Variants in PARVG observed in about 807,000 individuals in gnomAD.
PARVG encodes the protein gamma-parvin.
In PARVG, 36 loss-of-function variants were observed where a neutral mutation model predicts 44.4. The ratio of observed to expected loss-of-function variants is 0.81; its 90% CI spans 0.62 to 1.07. The LOEUF is 1.07. Ranked by LOEUF, PARVG falls within the 50% of genes least tolerant of loss-of-function variation. The probability of loss-of-function intolerance (pLI) is 0.00; values close to 1 mark genes in which losing one functional copy is unlikely to be tolerated. For synonymous variants in PARVG, 170 were observed against 174.1 expected (o/e 0.98, Z 0.19); for missense variants, 407 against 407.4 (o/e 1.00, Z 0.01).
At chr22:44,173,430 T>C (rs943144353) in intron 1 of PARVG, among the ~76,000 whole-genome samples, 1 of 152,092 alleles carries the variant, frequency 6.6e-6, no homozygotes, top group African/African-American at 2.4e-5. Context: ...CCATAAACTC[T>C]CCTTGGCACA....
intron 1 of PARVG, among the ~76,000 whole-genome samples, chr22:44,174,313 A>C (rs2054298254): frequency 6.6e-6 from 1 of 152,146 alleles, no homozygotes; most frequent in South Asian, 2.1e-4. Flanking sequence ...GGTGTGGTGG[A>C]AGCCAGTCTT....
chr22:44,187,943 G>T, intron 5 of PARVG, 65 bp downstream of exon 5: 1 of 1,526,426 alleles, frequency 6.6e-7, no homozygotes, highest in South Asian at 1.1e-5. Context: ...CCCCTCCAGG[G>T]CCCACAGGTA....
chr22:44,175,317 C>T (rs1487738131), intron 1 of PARVG, among the ~76,000 whole-genome samples: 2 of 152,206 alleles, frequency 1.3e-5, no homozygotes, highest in Non-Finnish European at 2.9e-5. Flanking sequence ...TGCACGGCCA[C>T]TTGCCCTCAG....
At chr22:44,176,370 G>C (rs2054319056), upstream of PARVG, among the ~76,000 whole-genome samples, 1 of 152,168 alleles carries the variant, frequency 6.6e-6, no homozygotes, top group Admixed American at 6.5e-5. Flanking sequence ...AATAATGACG[G>C]AGAAAAATTC....
At chr22:44,193,409 G>T (rs2054576006) in intron 8 of PARVG, among the ~76,000 whole-genome samples, 1 of 152,182 alleles carries the variant, frequency 6.6e-6, no homozygotes, top group Non-Finnish European at 1.5e-5. Flanking sequence ...GGAGAACACG[G>T]GGGGTGCTGG....
intron 5 of PARVG, chr22:44,188,640 ATT>A (rs770841065): frequency 4.0e-4 from 69 of 172,176 alleles, no homozygotes; most frequent in Non-Finnish European, 7.8e-4. Context: ...TACTGTCCCC[ATT>A]TCACAGATGA....
rs554339352 is a variant in PARVG at position 44,181,523 on chromosome 22, A to G, written c.-188-219A>G. 80 of 608,724 alleles carry G rather than the reference A, an allele frequency of 1.3e-4. 1 individual carries two copies. In the African/African-American group the frequency reaches 1.5e-3, roughly 11 times the overall value. 37.7% of individuals were successfully genotyped at this position (608,724 alleles called of 1,614,324 possible). On this transcript the variant is annotated intron_variant, in intron 1 of 13. Coordinates refer to ENST00000444313, the MANE Select transcript of PARVG (RefSeq NM_022141.7). ...GGGGGTCGACCCCAGGCTCTGGCCTATGTAGCTGCCATTTTGGAGGTGAAC... is the reference window on the plus strand; with the variant it reads ...GGGGGTCGACCCCAGGCTCTGGCCTGTGTAGCTGCCATTTTGGAGGTGAAC...
At chr22:44,191,755 TG>T (rs1395796505) in intron 7 of PARVG, among the ~76,000 whole-genome samples, 3 of 152,182 alleles carry the variant, frequency 2.0e-5, no homozygotes, top group Non-Finnish European at 4.4e-5. Context: ...TTGTGTGGCT[TG>T]GTCTATACTG....
chr22:44,176,802 T>C (rs541345800), upstream of PARVG, among the ~76,000 whole-genome samples: 32 of 152,294 alleles, frequency 2.1e-4, no homozygotes, highest in African/African-American at 7.0e-4. Flanking sequence ...AAAGGTTTAG[T>C]GGACTCACCG....
intron 4 of PARVG, 86 bp downstream of exon 4, chr22:44,185,958 G>C: frequency 7.4e-7 from 1 of 1,358,686 alleles, no homozygotes; most frequent in Non-Finnish European, 1.0e-6. Context: ...ACAGCAGGCT[G>C]TCCCCACTCC....
rs895418931 is a variant in PARVG at position 44,206,668 on chromosome 22, G to T, written c.*242G>T. On this transcript the variant is annotated 3_prime_UTR_variant, in exon 14 of 14. Transcript: ENST00000444313. ...TTTCTGGGAGGGATTCTGGGAACTT[G>T]ACAGGGTCCTGAGGAGGGCCCTTAA... 3.8e-6 allele frequency: 2 copies of T among 524,274 alleles called. No homozygotes were observed. The highest frequency in any genetic ancestry group is 3.4e-6 in the Non-Finnish European group (1 of 292,048). The allele number at this position is 524,274 out of a possible 1,614,324, so 32.5% of individuals were successfully genotyped here.
chr22:44,173,462 C>T (rs1024698987), intron 1 of PARVG, among the ~76,000 whole-genome samples: 9 of 152,004 alleles, frequency 5.9e-5, no homozygotes, highest in African/African-American at 2.2e-4. Flanking sequence ...GTTTCAGGTG[C>T]GTCGAATTTT....
chr22:44,185,824 C>T lies in PARVG; in HGVS notation c.96C>T (p.Tyr32=), dbSNP rs747762481. ...EELSKGGKKK[Y]LPPTSRKDPK... Reference sequence around the variant, plus strand: ...TGCTTCCAGGAGGAAAGAAGAAATACCTGCCACCCACTTCCCGGAAGGACC... The same window carrying T: ...TGCTTCCAGGAGGAAAGAAGAAATATCTGCCACCCACTTCCCGGAAGGACC... The change falls in exon 4 of 14, where the codon TAC becomes TAT. Residue 32 remains tyrosine, a synonymous_variant. Transcript: ENST00000444313. The T allele has an allele frequency of 9.9e-6, 16 of 1,613,524 alleles. No individual in the cohort carries two copies. The highest frequency in any genetic ancestry group is 1.2e-5 in the Non-Finnish European group (14 of 1,179,736).
Position 44,181,013 on chromosome 22 carries a change from C to T in PARVG, c.-361C>T, listed in dbSNP as rs921871978. 14 of 980,400 alleles carry T rather than the reference C, an allele frequency of 1.4e-5. No individual in the cohort carries two copies. The highest frequency in any genetic ancestry group is 6.2e-5 in the Admixed American group (1 of 16,250). The allele number at this position is 980,400 out of a possible 1,614,324, so 60.7% of individuals were successfully genotyped here. On this transcript the variant is annotated 5_prime_UTR_variant, in exon 1 of 14. The change creates a new upstream start codon in the 5' untranslated region. Coordinates refer to ENST00000444313, the MANE Select transcript of PARVG (RefSeq NM_022141.7). ...TCGAACCCTGCTATGCCTTTGCATA[C>T]GCTGTTTTCTCCACCTGCCACGTTC... is the stretch of plus-strand genomic sequence containing the variant.
At position 44,182,186 on chromosome 22, in the gene PARVG, C is replaced by T. The variant is rs1478063425; in HGVS notation, c.-13+269C>T. 6.6e-6 allele frequency among the ~76,000 whole-genome samples: 1 copy of T among 152,164 alleles called. No individual in the cohort carries two copies. The highest frequency in any genetic ancestry group is 2.1e-4 in the South Asian group (1 of 4,832). ...CGTCTCCAGGTGAAGAAACTGAGGCCCTGGGGCCAGGAAGGGGCTTGCCCA... is the reference window on the plus strand; with the variant it reads ...CGTCTCCAGGTGAAGAAACTGAGGCTCTGGGGCCAGGAAGGGGCTTGCCCA... On this transcript the variant is annotated intron_variant, in intron 2 of 13. Transcript: ENST00000444313. The surrounding 1 kb of genome is among the most constrained non-coding windows in gnomAD (Gnocchi z 4.6).
Position 44,182,003 on chromosome 22 carries a change from A to C in PARVG, c.-13+86A>C, listed in dbSNP as rs568557667. 2.1e-6 allele frequency: 2 copies of C among 972,540 alleles called. No homozygotes were observed. The highest frequency in any genetic ancestry group is 1.2e-4 in the Admixed American group (2 of 16,288). 60.2% of individuals were successfully genotyped at this position (972,540 alleles called of 1,614,324 possible). A position where few individuals can be genotyped will look rare whatever the true frequency, so the allele number is the denominator to read the frequency against. On this transcript the variant is annotated intron_variant, in intron 2 of 13. Transcript: ENST00000444313. This position sits in a 1 kb window ranked among gnomAD's most constrained non-coding sequence, Gnocchi z 4.6. ...AGACACCACCTGGGAAGGATCCCAG[A>C]GTGCAGTCCCAGCCCAGGCCACCCG...
chr22:44,176,649 T>A (rs2054321720), upstream of PARVG, among the ~76,000 whole-genome samples: 1 of 151,770 alleles, frequency 6.6e-6, no homozygotes, highest in South Asian at 2.1e-4. Context: ...AAAGGCTTTT[T>A]TTTTTCTTTT....
upstream of PARVG, among the ~76,000 whole-genome samples, chr22:44,177,135 T>C (rs928196104): frequency 6.6e-6 from 1 of 152,172 alleles, no homozygotes; most frequent in African/African-American, 2.4e-5. Context: ...TTTTACTTTA[T>C]CCTCTTCACT....
At position 44,195,120 on chromosome 22, in the gene PARVG, GGGAGAAA is replaced by G. The variant is rs1257690884; in HGVS notation, c.584-1023_584-1017del. On this transcript the variant is annotated intron_variant, in intron 9 of 13. Transcript: ENST00000444313. ...TGGGGGCTGAGGAAGGCGGAGTTTGGGGAGAAAGGAGAAAGGAGGGGCAAGGAGGGCT... is the reference window on the plus strand; with the variant it reads ...TGGGGGCTGAGGAAGGCGGAGTTTGGGGAGAAAGGAGGGGCAAGGAGGGCT... 5.3e-5 allele frequency among the ~76,000 whole-genome samples: 8 copies of G among 152,238 alleles called. 1 individual carries two copies. Among genetic ancestry groups the G allele is most frequent in the Admixed American group, 6.5e-5 (1 of 15,298 alleles).
Sources: allele counts gnomAD v4.1 joint callset (sites outside exome capture counted in the v4.1 genomes callset), GRCh38; gene constraint gnomAD v4.1.1; non-coding constraint Gnocchi (gnomAD v3.1); transcripts MANE v1.5; gene names NCBI Gene and HGNC (gene_info 2026-07-23, HGNC 2026-07-21).